Variants in CCDC80 observed in about 807,000 individuals in gnomAD.
CCDC80 encodes coiled-coil domain containing 80.
Under a neutral mutation model 78.7 loss-of-function variants are expected in CCDC80, and 49 were observed. The observed-to-expected ratio is 0.62, with a 90% CI of 0.50 to 0.79. The LOEUF (loss-of-function observed/expected upper bound fraction) is 0.79. Among genes scored for constraint, CCDC80 ranks in the 30% least tolerant of loss-of-function variants. The probability of loss-of-function intolerance (pLI) is 0.00; values close to 1 mark genes in which losing one functional copy is unlikely to be tolerated. For missense variants in CCDC80, 1,205 were observed against 1,198.6 expected (o/e 1.01, Z -0.08); for synonymous variants, 488 against 447.0 (o/e 1.09, Z -1.16).
Position 112,616,381 on chromosome 3 carries a change from G to A in CCDC80, c.2321+329C>T, listed in dbSNP as rs191037188. ...AGAGATCTCCAGATTTACTGACTGA[G>A]TAAATTAACTTTCTTGGGAGGTCAG... On this transcript the variant is annotated intron_variant, in intron 5 of 7. Transcript: ENST00000206423. Among the ~76,000 whole-genome samples the A allele has an allele frequency of 2.8e-5, 4 of 141,678 alleles. No homozygotes were observed. The East Asian group carries it at 8.9e-4, about 31-fold the overall frequency. The allele number at this position is 141,678 out of a possible 152,430, so 92.9% of individuals were successfully genotyped here.
chr3:112,630,085 A>G (rs1292619578), intron 3 of CCDC80, 28 bp downstream of exon 3: 2 of 1,605,358 alleles, frequency 1.2e-6, no homozygotes, highest in East Asian at 2.2e-5. Flanking sequence ...GAGAAAAACA[A>G]TAATATAATT....
chr3:112,610,018 T>G lies in CCDC80; in HGVS notation c.2385A>C (p.Ser795=). ...GACCACTGAGGGCAGAGAGCTGCTG[T>G]GAATAGGCCCAGTCTTCATCGTTAG... The part of the protein sequence containing the change: ...SAPNDEDWAY[S]QQLSALSGQA... Residue 795 remains serine, a synonymous_variant, in exon 6 of 8, where the codon TCA becomes TCC. Coordinates refer to ENST00000206423, the MANE Select transcript of CCDC80 (RefSeq NM_199511.3). 6.2e-7 allele frequency: 1 copy of G among 1,613,936 alleles called. No homozygotes were observed. The highest frequency in any genetic ancestry group is 8.5e-7 in the Non-Finnish European group (1 of 1,179,976).
At chr3:112,622,736 A>T (rs1343581918) in intron 3 of CCDC80, among the ~76,000 whole-genome samples, 5 of 151,422 alleles carry the variant, frequency 3.3e-5, no homozygotes, top group Non-Finnish European at 7.4e-5. Context: ...GCTCATTGCA[A>T]CCTCTGCCTC....
rs182187482 is a variant in CCDC80, at chr3:112,619,827, T to C, written c.2036-723A>G. Among the ~76,000 whole-genome samples the C allele has an allele frequency of 2.4e-3, 365 of 152,322 alleles. 1 individual carries two copies. Among genetic ancestry groups the C allele is most frequent in the African/African-American group, 8.4e-3 (350 of 41,564 alleles). On this transcript the variant is annotated intron_variant, in intron 3 of 7. Transcript: ENST00000206423. ...TTAATGGGAAGCATGAAAATCAAGA[T>C]ACTAGTGGCTTTACATGGCAACTTG...
chr3:112,598,236 G>T lies in CCDC80; in HGVS notation c.*7181C>A, dbSNP rs1350088831. 1 of 152,208 alleles carries T rather than the reference G, an allele frequency of 6.6e-6. No homozygotes were observed. 9.4% of individuals were successfully genotyped at this position (152,208 alleles called of 1,614,324 possible). ...TTTACTCTTTAACATTTGGGGGAAG[G>T]AAAATGAGGCTTGTCTACAGCAGGG... On this transcript the variant is annotated 3_prime_UTR_variant, in exon 8 of 8. Coordinates refer to ENST00000206423, the MANE Select transcript of CCDC80 (RefSeq NM_199511.3).
chr3:112,609,955 T>C (rs781518857), intron 6 of CCDC80, 23 bp downstream of exon 6: 2 of 1,541,094 alleles, frequency 1.3e-6, no homozygotes, highest in Admixed American at 3.4e-5. Context: ...GGGAAAGCAG[T>C]AATGAGGTGG....
At chr3:112,615,510 G>C (rs1474256655) in intron 5 of CCDC80, among the ~76,000 whole-genome samples, 3 of 152,034 alleles carry the variant, frequency 2.0e-5, no homozygotes, top group African/African-American at 7.3e-5. Context: ...CATCGGGGGA[G>C]GGGAGGGGAA....
At chr3:112,633,463 T>C (rs1936140121) in intron 2 of CCDC80, among the ~76,000 whole-genome samples, 1 of 152,188 alleles carries the variant, frequency 6.6e-6, no homozygotes, top group Admixed American at 6.5e-5. Context: ...TCATTTACTA[T>C]ATAACTGTCA....
In CCDC80 at chr3:112,634,083, G is replaced by C. The variant is rs576933516; in HGVS notation, c.1879-3814C>G. Among the ~76,000 whole-genome samples, 8 of 152,310 alleles carry C rather than the reference G, an allele frequency of 5.3e-5. No individual in the cohort carries two copies. In the East Asian group the frequency reaches 1.4e-3, roughly 26 times the overall value. On this transcript the variant is annotated intron_variant, in intron 2 of 7. Coordinates refer to ENST00000206423, the MANE Select transcript of CCDC80 (RefSeq NM_199511.3). ...AAGAGCAATGGAAAAAAGCTAGAGGGAAGACACTTTAAGTCTCAGATTATT... is the reference window on the plus strand; with the variant it reads ...AAGAGCAATGGAAAAAAGCTAGAGGCAAGACACTTTAAGTCTCAGATTATT...
chr3:112,609,045 T>G (rs1935570585), intron 6 of CCDC80, among the ~76,000 whole-genome samples: 3 of 152,202 alleles, frequency 2.0e-5, no homozygotes, highest in Admixed American at 2.0e-4. Context: ...TCATCTATGT[T>G]CTAATGGAGA....
rs758332299 is a variant in CCDC80 at position 112,605,643 on chromosome 3, T to A, written c.2627A>T (p.Lys876Ile). ...CCACATTGGGGAAGGATACCAGGAT[T>A]TGACATTTCCGTCTTTTCCGACTAG... ...MLLVGKDGNV[K>I]SWYPSPMWSM... Residue 876 changes from lysine to isoleucine, a missense_variant, in exon 8 of 8, where the codon AAA becomes ATA. Coordinates refer to ENST00000206423, the MANE Select transcript of CCDC80 (RefSeq NM_199511.3). 1 of 1,614,234 alleles carries A rather than the reference T, an allele frequency of 6.2e-7. No homozygotes were observed. The highest frequency in any genetic ancestry group is 8.5e-7 in the Non-Finnish European group (1 of 1,180,026).
rs369508308 is a variant in CCDC80 at position 112,605,775 on chromosome 3, T to C, written c.2507-12A>G. 9.4e-6 allele frequency: 15 copies of C among 1,590,298 alleles called. No homozygotes were observed. The Middle Eastern group carries it at 5.0e-4, about 53-fold the overall frequency. ...AACAACAGAGCTCCCTAGAATAACATTGGAATAGTTATTGTTAGTAGATTA... is the reference window on the plus strand; with the variant it reads ...AACAACAGAGCTCCCTAGAATAACACTGGAATAGTTATTGTTAGTAGATTA... On this transcript the variant is annotated splice_polypyrimidine_tract_variant and intron_variant, in intron 7 of 7. Coordinates refer to ENST00000206423, the MANE Select transcript of CCDC80 (RefSeq NM_199511.3).
intron 5 of CCDC80, 39 bp from the exon 6 acceptor site, chr3:112,610,120 T>G (rs1196240078): frequency 6.4e-7 from 1 of 1,555,088 alleles, no homozygotes; most frequent in East Asian, 2.2e-5. Flanking sequence ...TGCTTACTGC[T>G]TCAAACAATA....
At chr3:112,623,717 G>A (rs145615393) in intron 3 of CCDC80, among the ~76,000 whole-genome samples, 2 of 151,998 alleles carry the variant, frequency 1.3e-5, no homozygotes, top group African/African-American at 4.8e-5. Context: ...ATCATTTATG[G>A]CAGTATAAAC....
rs1936305112 is a variant in CCDC80, at chr3:112,639,792, C to T, written c.114G>A (p.Val38=). 2 of 1,614,212 alleles carry T rather than the reference C, an allele frequency of 1.2e-6. No individual in the cohort carries two copies. Among genetic ancestry groups the T allele is most frequent in the Non-Finnish European group, 1.7e-6 (2 of 1,180,050 alleles). ...TIRGSHGGRK[V]PLVSPDSSRP... is the part of the protein sequence containing the mutation. Reference sequence around the variant, plus strand: ...TACTGCTGTCCGGAGAAACCAAAGGCACTTTCCGTCCTCCGTGGCTGCCTC... The same window carrying T: ...TACTGCTGTCCGGAGAAACCAAAGGTACTTTCCGTCCTCCGTGGCTGCCTC... Residue 38 remains valine (V), a synonymous_variant, in exon 2 of 8, where the codon GTG becomes GTA. Transcript: ENST00000206423.
intron 5 of CCDC80, among the ~76,000 whole-genome samples, chr3:112,615,271 C>T (rs1278110616): frequency 6.6e-6 from 1 of 152,126 alleles, no homozygotes; most frequent in African/African-American, 2.4e-5. Flanking sequence ...CTTCTTAATG[C>T]TCTGTCTCAC....
chr3:112,621,487 C>T (rs994112510), intron 3 of CCDC80, among the ~76,000 whole-genome samples: 4 of 152,198 alleles, frequency 2.6e-5, no homozygotes, highest in Admixed American at 2.6e-4. Context: ...CAAGCCCAGC[C>T]CAGATCAGCT....
At chr3:112,629,956 A>G (rs1400807069) in intron 3 of CCDC80, among the ~76,000 whole-genome samples, 157 bp downstream of exon 3, 5 of 152,214 alleles carry the variant, frequency 3.3e-5, no homozygotes, top group Admixed American at 1.3e-4. Flanking sequence ...TGGAATGGCT[A>G]TTTAAATAAG....
chr3:112,638,848 A>G lies in CCDC80; in HGVS notation c.1058T>C (p.Leu353Pro), dbSNP rs1936271668. The change falls in exon 2 of 8, where the codon CTT becomes CCT. Residue 353 changes from leucine (L) to proline (P), a missense_variant. Coordinates refer to ENST00000206423, the MANE Select transcript of CCDC80 (RefSeq NM_199511.3). ...QPPSTPRATT[L>P]PPAPATTVTR... ...CACTGTTGTGGCTGGGGCAGGAGGA[A>G]GGGTGGTGGCTCTGGGGGTTGAGGG... 1.9e-6 allele frequency: 3 copies of G among 1,613,078 alleles called. No individual in the cohort carries two copies. Among genetic ancestry groups the G allele is most frequent in the Non-Finnish European group, 2.5e-6 (3 of 1,179,568 alleles).
Sources: allele counts gnomAD v4.1 joint callset (sites outside exome capture counted in the v4.1 genomes callset), GRCh38; gene constraint gnomAD v4.1.1; transcripts MANE v1.5; gene names NCBI Gene and HGNC (gene_info 2026-07-23, HGNC 2026-07-21).